Variants in MYBPC2 observed in about 807,000 individuals in gnomAD.
MYBPC2 encodes the protein myosin binding protein C2, also known as myosin-binding protein C, fast-type.
In MYBPC2, 122 loss-of-function variants were observed where a neutral mutation model predicts 137.0. The observed-to-expected ratio is 0.89, with a 90% CI of 0.77 to 1.03. The LOEUF is 1.03. Ranked by LOEUF, MYBPC2 falls within the 50% of genes least tolerant of loss-of-function variation. The pLI is 0.00. For synonymous variants in MYBPC2, 626 were observed against 612.3 expected (o/e 1.02, Z -0.33); for missense variants, 1,500 against 1,534.4 (o/e 0.98, Z 0.37).
rs188593033 is a variant in MYBPC2, at chr19:50,444,050, C to T, written c.1133+234C>T. Among the ~76,000 whole-genome samples the T allele has an allele frequency of 2.2e-3, 330 of 152,272 alleles. 1 individual carries two copies. Among genetic ancestry groups the T allele is most frequent in the African/African-American group, 7.2e-3 (298 of 41,544 alleles). ...TCTTCAGGGTCGTCTTCCTGATCTC[C>T]GACTGTTCCATTAAATATTCATTCA... On this transcript the variant is annotated intron_variant, in intron 11 of 27. Coordinates refer to ENST00000357701, the MANE Select transcript of MYBPC2 (RefSeq NM_004533.4).
chr19:50,457,725 G>C (rs1244959770), intron 20 of MYBPC2, among the ~76,000 whole-genome samples: 4 of 146,410 alleles, frequency 2.7e-5, no homozygotes, highest in African/African-American at 7.9e-5. Flanking sequence ...TGTCGCCCAG[G>C]CTGGAATGCA....
intron 5 of MYBPC2, among the ~76,000 whole-genome samples, chr19:50,437,235 G>A (rs1047876723): frequency 6.6e-6 from 1 of 152,034 alleles, no homozygotes; most frequent in Admixed American, 6.6e-5. Flanking sequence ...AGAAAGACAT[G>A]GTGGCCCAGG....
chr19:50,461,769 T>C, intron 25 of MYBPC2, 68 bp downstream of exon 25: 1 of 1,597,754 alleles, frequency 6.3e-7, no homozygotes, highest in Non-Finnish European at 8.5e-7. Flanking sequence ...CCACCTGGAC[T>C]CCTGCCCTCC....
rs370199501 is a variant in MYBPC2, at chr19:50,445,831, G to C, written c.1134-49G>C. ...CGACTGACTCTCCAAGACCCAGACC[G>C]AGAGCTGTGCTGTCTCCTCACATCC... On this transcript the variant is annotated intron_variant, in intron 11 of 27. Coordinates refer to ENST00000357701, the MANE Select transcript of MYBPC2 (RefSeq NM_004533.4). 6.7e-5 allele frequency: 103 copies of C among 1,537,792 alleles called. No homozygotes were observed. The African/African-American group carries it at 7.1e-4, about 11-fold the overall frequency.
chr19:50,441,088 T>C lies in MYBPC2; in HGVS notation c.769+12T>C. The C allele has an allele frequency of 6.3e-7, 1 of 1,574,864 alleles. No individual in the cohort carries two copies. Among genetic ancestry groups the C allele is most frequent in the South Asian group, 1.2e-5 (1 of 85,502 alleles). On this transcript the variant is annotated intron_variant, in intron 8 of 27. Coordinates refer to ENST00000357701, the MANE Select transcript of MYBPC2 (RefSeq NM_004533.4). ...CAAGAAGAGTGCAGGTCAGCCCTGG[T>C]CTGGGGGGAGCTGGGCCCTGCACAC...
rs112786387 is a variant in MYBPC2, at chr19:50,434,767, G to A, written c.20-394G>A. ...CTGTAGCTGCAGACCCAGCCGGCAA[G>A]GAACAGCAGGCAGGGCAGGGGAAGG... is the stretch of plus-strand genomic sequence containing the variant. On this transcript the variant is annotated intron_variant, in intron 1 of 27. Transcript: ENST00000357701. Among the ~76,000 whole-genome samples the A allele has an allele frequency of 8.9e-3, 1,363 of 152,310 alleles. 13 individuals are homozygous for A. Among genetic ancestry groups the A allele is most frequent in the African/African-American group, 0.031 (1,295 of 41,554 alleles).
rs2039889103 is a variant in MYBPC2 at position 50,454,371 on chromosome 19, T to A, written c.2014+2T>A. 2 of 1,600,644 alleles carry A rather than the reference T, an allele frequency of 1.2e-6. No homozygotes were observed. Among genetic ancestry groups the A allele is most frequent in the Admixed American group, 3.4e-5 (2 of 59,072 alleles). ...ACGATGGGGGGAAGCCAGTCACCGG[T>A]GAGTGCCTCTGTCCTCATGACCTCT... On this transcript the variant is annotated splice_donor_variant, in intron 18 of 27. Transcript: ENST00000357701. LOFTEE classifies it high-confidence loss of function.
intron 22 of MYBPC2, 45 bp downstream of exon 22, chr19:50,459,051 A>G (rs892178934): frequency 1.3e-6 from 2 of 1,568,470 alleles, no homozygotes; most frequent in African/African-American, 1.4e-5. Context: ...TCTCGCCGCA[A>G]GCCCCCTTTT....
chr19:50,434,106 C>A (rs2039681374), intron 1 of MYBPC2, among the ~76,000 whole-genome samples: 1 of 151,574 alleles, frequency 6.6e-6, no homozygotes, highest in South Asian at 2.1e-4. Context: ...ACCTGTAGTC[C>A]CAGCACCTTG....
Position 50,448,211 on chromosome 19 carries a change from C to T in MYBPC2, c.1307-14C>T. 6.2e-7 allele frequency: 1 copy of T among 1,610,548 alleles called. No homozygotes were observed. Among genetic ancestry groups the T allele is most frequent in the Non-Finnish European group, 8.5e-7 (1 of 1,178,072 alleles). On this transcript the variant is annotated splice_polypyrimidine_tract_variant and intron_variant, in intron 12 of 27. Coordinates refer to ENST00000357701, the MANE Select transcript of MYBPC2 (RefSeq NM_004533.4). ...AGAGTAGTGACGGCTCCTTGTCTTT[C>T]TCTCCCTGACCAGAGAAACAGCTGG...
intron 16 of MYBPC2, among the ~76,000 whole-genome samples, chr19:50,452,540 G>C (rs111237217): frequency 1.4e-3 from 90 of 65,132 alleles, no homozygotes; most frequent in African/African-American, 3.0e-3. Flanking sequence ...ATCTATCTAT[G>C]TATCTATCTA....
intron 7 of MYBPC2, 57 bp from the exon 8 acceptor site, chr19:50,440,823 G>A: frequency 6.6e-7 from 1 of 1,523,690 alleles, no homozygotes; most frequent in Non-Finnish European, 8.9e-7. Context: ...AGAAGGCAGA[G>A]GGACATCCTC....
At position 50,436,017 on chromosome 19, in the gene MYBPC2, G is replaced by C; in HGVS notation, c.202G>C (p.Asp68His). The C allele has an allele frequency of 1.3e-6, 2 of 1,579,034 alleles. No individual in the cohort carries two copies. The highest frequency in any genetic ancestry group is 1.7e-6 in the Non-Finnish European group (2 of 1,162,254). ...CTGTCACTCACCCCATGTAGGGAAG[G>C]ACGCAGTGGTCGTGGCCAAGGTGAA... ...PDSVSVETGKDAVVVAKVNGK... is the reference protein window; with the variant it reads ...PDSVSVETGKHAVVVAKVNGK... The change falls in exon 4 of 28, where the codon GAC (aspartate) becomes CAC (histidine). Residue 68 changes from aspartate (D) to histidine (H), a missense_variant. Transcript: ENST00000357701.
At position 50,454,359 on chromosome 19, in the gene MYBPC2, G is replaced by C; in HGVS notation, c.2004G>C (p.Lys668Asn). Residue 668 changes from lysine to asparagine, a missense_variant, in exon 18 of 28, where the codon AAG becomes AAC. Coordinates refer to ENST00000357701, the MANE Select transcript of MYBPC2 (RefSeq NM_004533.4). ...AGCCACCAATGTACGATGGGGGGAA[G>C]CCAGTCACCGGTGAGTGCCTCTGTC... ...VWEPPMYDGG[K>N]PVTGYLVERK... 2 of 1,608,816 alleles carry C rather than the reference G, an allele frequency of 1.2e-6. No homozygotes were observed. Among genetic ancestry groups the C allele is most frequent in the East Asian group, 4.5e-5 (2 of 44,758 alleles).
In MYBPC2 at chr19:50,461,640, C is replaced by T; in HGVS notation, c.3030C>T (p.Asn1010=). 1.9e-6 allele frequency: 3 copies of T among 1,613,726 alleles called. No homozygotes were observed. Among genetic ancestry groups the T allele is most frequent in the Non-Finnish European group, 2.5e-6 (3 of 1,179,850 alleles). ...ACTATTTCCGAGTTTACACCGAGAA[C>T]ATCTGTGGGCTCAGTGACTCACCTG... ...NEYYFRVYTE[N]ICGLSDSPGV... Residue 1010 remains asparagine, a synonymous_variant, in exon 25 of 28, where the codon AAC becomes AAT. Coordinates refer to ENST00000357701, the MANE Select transcript of MYBPC2 (RefSeq NM_004533.4).
chr19:50,435,213 G>A lies in MYBPC2; in HGVS notation c.72G>A (p.Glu24=). 1 of 1,356,332 alleles carries A rather than the reference G, an allele frequency of 7.4e-7. No individual in the cohort carries two copies. The highest frequency in any genetic ancestry group is 1.1e-6 in the Non-Finnish European group (1 of 951,736). The allele number at this position is 1,356,332 out of a possible 1,614,324, so 84.0% of individuals were successfully genotyped here. A position where few individuals can be genotyped will look rare whatever the true frequency, so the allele number is the denominator to read the frequency against. Residue 24 remains glutamate (E), a synonymous_variant, in exon 2 of 28, where the codon GAG becomes GAA. Coordinates refer to ENST00000357701, the MANE Select transcript of MYBPC2 (RefSeq NM_004533.4). This position sits in a 1 kb window ranked among gnomAD's most constrained non-coding sequence, Gnocchi z 4.8. ...GKDAPKGAPK[E]APPKEAPAEA... Reference sequence around the variant, plus strand: ...ATGCCCCCAAAGGAGCCCCCAAGGAGGCTCCCCCTAAGGAGGCTCCTGCAG... The same window carrying A: ...ATGCCCCCAAAGGAGCCCCCAAGGAAGCTCCCCCTAAGGAGGCTCCTGCAG...
chr19:50,448,186 A>G, intron 12 of MYBPC2, 39 bp from the exon 13 acceptor site: 1 of 1,587,358 alleles, frequency 6.3e-7, no homozygotes. Context: ...TGCACTGACT[A>G]GAGTAGTGAC....
intron 15 of MYBPC2, 102 bp downstream of exon 15, chr19:50,451,411 T>C (rs2039856647): frequency 2.7e-5 from 23 of 839,372 alleles, no homozygotes; most frequent in Non-Finnish European, 3.5e-5. Context: ...CGAGGAAGGA[T>C]GGGCGGGGTG....
intron 12 of MYBPC2, 70 bp downstream of exon 12, chr19:50,446,122 G>T (rs2039803643): frequency 6.6e-7 from 1 of 1,513,334 alleles, no homozygotes; most frequent in Non-Finnish European, 8.9e-7. Context: ...GGTTGCTCAG[G>T]CCCCCCAGTC....
Sources: allele counts gnomAD v4.1 joint callset (sites outside exome capture counted in the v4.1 genomes callset), GRCh38; gene constraint gnomAD v4.1.1; non-coding constraint Gnocchi (gnomAD v3.1); transcripts MANE v1.5; gene names NCBI Gene and HGNC (gene_info 2026-07-23, HGNC 2026-07-21).